FMN2: variants seen among roughly 807,000 people sequenced by gnomAD.
FMN2 encodes the protein formin 2, also known as formin-2.
Under a neutral mutation model 142.3 loss-of-function variants are expected in FMN2, and 51 were observed. The observed-to-expected ratio is 0.36, with a 90% CI of 0.29 to 0.45. The LOEUF is 0.45. Among genes scored for constraint, FMN2 ranks in the 20% least tolerant of loss-of-function variants. The pLI is 1.00. For missense variants in FMN2, 1,936 were observed against 2,122.8 expected (o/e 0.91, Z 1.73); for synonymous variants, 882 against 869.8 (o/e 1.01, Z -0.25).
At chr1:240,156,854 C>T (rs772755199) in intron 2 of FMN2, among the ~76,000 whole-genome samples, 1 of 151,994 alleles carries the variant, frequency 6.6e-6, no homozygotes, top group Non-Finnish European at 1.5e-5. Context: ...ATTCATTAAT[C>T]GCCTGAATTA....
chr1:240,095,699 A>G (rs1465113033), intron 1 of FMN2, among the ~76,000 whole-genome samples: 1 of 152,102 alleles, frequency 6.6e-6, no homozygotes, highest in East Asian at 1.9e-4. Context: ...GAGTCCTGGA[A>G]GATCACAAGA....
intron 2 of FMN2, among the ~76,000 whole-genome samples, chr1:240,125,590 T>TG (rs1439771232): frequency 6.6e-6 from 1 of 152,206 alleles, no homozygotes; most frequent in Non-Finnish European, 1.5e-5. Context: ...GTCTAGCACT[T>TG]GCTTTTTGAT....
chr1:240,376,012 A>C (rs1275317130), intron 14 of FMN2, among the ~76,000 whole-genome samples: 1 of 152,080 alleles, frequency 6.6e-6, no homozygotes, highest in Non-Finnish European at 1.5e-5. Context: ...TTTTGGAGGC[A>C]AACATAGGTA....
In FMN2 at chr1:240,471,074, A is replaced by G. The variant is rs544626996; in HGVS notation, c.5061-1298A>G. 5.3e-5 allele frequency among the ~76,000 whole-genome samples: 8 copies of G among 152,372 alleles called. No homozygotes were observed. The South Asian group carries it at 1.7e-3, about 32-fold the overall frequency. Reference sequence around the variant, plus strand: ...ATTACCGGTGTCAAATAGCAGAGCCAGAACTTCATACAGGACTTTGCTCCA... The same window carrying G: ...ATTACCGGTGTCAAATAGCAGAGCCGGAACTTCATACAGGACTTTGCTCCA... On this transcript the variant is annotated intron_variant, in intron 16 of 17. Coordinates refer to ENST00000319653, the MANE Select transcript of FMN2 (RefSeq NM_020066.5).
intron 16 of FMN2, among the ~76,000 whole-genome samples, chr1:240,446,317 C>T (rs1158104209): frequency 6.6e-6 from 1 of 152,142 alleles, no homozygotes; most frequent in East Asian, 1.9e-4. Context: ...TCTAGAGAAT[C>T]CGGACCAAGA....
rs746598571 is a variant in FMN2 at position 240,107,820 on chromosome 1, G to A, written c.1615+14096G>A. On this transcript the variant is annotated intron_variant, in intron 1 of 17. Transcript: ENST00000319653. ...TAAATTTTAATAGACATGTAGTACC[G>A]AGAACTCTCTATAACAAAGTCACTT... Among the ~76,000 whole-genome samples, 61 of 152,008 alleles carry A rather than the reference G, an allele frequency of 4.0e-4. 1 individual carries two copies. Among genetic ancestry groups the A allele is most frequent in the African/African-American group, 1.1e-3 (47 of 41,450 alleles).
intron 6 of FMN2, among the ~76,000 whole-genome samples, chr1:240,244,407 G>A (rs1326699809): frequency 6.6e-6 from 1 of 152,164 alleles, no homozygotes; most frequent in Non-Finnish European, 1.5e-5. Flanking sequence ...GCTCTTTGAT[G>A]TCATCTTAAT....
chr1:240,250,939 T>G (rs549533541), intron 6 of FMN2, among the ~76,000 whole-genome samples: 1 of 140,912 alleles, frequency 7.1e-6, no homozygotes, highest in South Asian at 2.3e-4. Flanking sequence ...AATGTCTCAT[T>G]TTTAATTTCT....
chr1:240,144,110 A>G (rs1663323503), intron 2 of FMN2: 1 of 1,157,812 alleles, frequency 8.6e-7, no homozygotes, highest in Admixed American at 1.7e-5. Context: ...TGAGGCCACC[A>G]TCCACATCCC....
At chr1:240,431,420 A>G (rs1675170491) in intron 15 of FMN2, among the ~76,000 whole-genome samples, 1 of 147,892 alleles carries the variant, frequency 6.8e-6, no homozygotes, top group Admixed American at 6.8e-5. Context: ...ATATATATAT[A>G]TATACATATA....
chr1:240,247,232 G>T (rs916439687), intron 6 of FMN2, among the ~76,000 whole-genome samples: 20 of 152,176 alleles, frequency 1.3e-4, no homozygotes, highest in Admixed American at 7.9e-4. Flanking sequence ...GCTGGGAGTG[G>T]TGGCTCAAGC....
intron 2 of FMN2, among the ~76,000 whole-genome samples, chr1:240,124,782 C>T (rs1191429619): frequency 6.6e-6 from 1 of 152,130 alleles, no homozygotes; most frequent in Admixed American, 6.5e-5. Flanking sequence ...ATTCTCCTGC[C>T]TCAGCCTCTT....
intron 8 of FMN2, among the ~76,000 whole-genome samples, chr1:240,312,582 G>A (rs909948548): frequency 9.2e-5 from 14 of 152,100 alleles, no homozygotes; most frequent in Non-Finnish European, 1.9e-4. Flanking sequence ...ATTGTTTATG[G>A]CAGTTAGAAC....
At chr1:240,164,851 T>C (rs1208568316) in intron 2 of FMN2, among the ~76,000 whole-genome samples, 2 of 152,204 alleles carry the variant, frequency 1.3e-5, no homozygotes, top group African/African-American at 4.8e-5. Flanking sequence ...ATTTTATGTT[T>C]TCAGGAATGA....
intron 6 of FMN2, among the ~76,000 whole-genome samples, chr1:240,239,109 T>C (rs1461172561): frequency 6.6e-6 from 1 of 152,186 alleles, no homozygotes; most frequent in Admixed American, 6.5e-5. Flanking sequence ...CACTTTACTA[T>C]AGAATAACAA....
At chr1:240,131,422 A>G (rs193203285) in intron 2 of FMN2, among the ~76,000 whole-genome samples, 1 of 152,144 alleles carries the variant, frequency 6.6e-6, no homozygotes, top group East Asian at 1.9e-4. Context: ...AAAGAAGTCT[A>G]TAGGTCGGGT....
At chr1:240,303,000 T>C (rs1371879286) in intron 8 of FMN2, among the ~76,000 whole-genome samples, 1 of 151,954 alleles carries the variant, frequency 6.6e-6, no homozygotes, top group African/African-American at 2.4e-5. Context: ...ATAATTTCTA[T>C]GTAGAGCAAG....
intron 2 of FMN2, chr1:240,143,461 TC>T: frequency 6.6e-7 from 1 of 1,506,860 alleles, no homozygotes; most frequent in Non-Finnish European, 9.2e-7. Flanking sequence ...AGCAGGGGTT[TC>T]CTTTTTGTCC....
At chr1:240,334,706 C>T (rs955165543) in intron 13 of FMN2, among the ~76,000 whole-genome samples, 6 of 152,066 alleles carry the variant, frequency 3.9e-5, no homozygotes, top group Non-Finnish European at 7.4e-5. Context: ...TCAAGCTTTA[C>T]ATAAAATTAT....
Sources: allele counts gnomAD v4.1 joint callset (sites outside exome capture counted in the v4.1 genomes callset), GRCh38; gene constraint gnomAD v4.1.1; transcripts MANE v1.5; gene names NCBI Gene and HGNC (gene_info 2026-07-23, HGNC 2026-07-21).